Variants in PCDHA5 observed in about 807,000 individuals in gnomAD.
The protein encoded by PCDHA5 is protocadherin alpha 5.
PCDHA5 carries 43 observed loss-of-function variants against 61.6 expected under a neutral mutation model. The ratio of observed to expected loss-of-function variants is 0.70; its 90% CI spans 0.55 to 0.90. The LOEUF is 0.90. PCDHA5 is among the 40% of genes least tolerant of loss of function. PCDHA5 has a pLI of 0.00. For missense variants in PCDHA5, 1,298 were observed against 1,222.7 expected, an observed-to-expected ratio of 1.06 and a Z score of -0.92; for synonymous variants, 627 against 543.9, an observed-to-expected ratio of 1.15 and a Z score of -2.13.
At chr5:140,848,581 G>C in intron 1 of PCDHA5, 1 of 1,595,130 alleles carries the variant, frequency 6.3e-7, no homozygotes, top group Non-Finnish European at 8.6e-7. Flanking sequence ...GTGGGGAGCG[G>C]CCAGCTCCAC....
chr5:140,893,519 C>T (rs1199543838), intron 1 of PCDHA5, among the ~76,000 whole-genome samples: 1 of 152,084 alleles, frequency 6.6e-6, no homozygotes, highest in African/African-American at 2.4e-5. Flanking sequence ...AGTTGTAGAA[C>T]TCCTTTAAGT....
intron 1 of PCDHA5, chr5:140,849,157 A>T: frequency 8.3e-7 from 1 of 1,209,676 alleles, no homozygotes; most frequent in Non-Finnish European, 1.1e-6. Flanking sequence ...GGCAAACCCG[A>T]GCTGACTGGC....
At chr5:140,952,146 C>T (rs1204696324) in intron 1 of PCDHA5, among the ~76,000 whole-genome samples, 1 of 152,062 alleles carries the variant, frequency 6.6e-6, no homozygotes, top group African/African-American at 2.4e-5. Context: ...AGCTCCACTC[C>T]TGTGGCTTTG....
rs2150133242 is a variant in PCDHA5, at chr5:140,824,221, T to C, written c.2352+94T>C. 5 of 1,560,374 alleles carry C rather than the reference T, an allele frequency of 3.2e-6. No homozygotes were observed. The Admixed American group carries it at 8.4e-5, about 26-fold the overall frequency. ...ACTTTTTTTGTATTTAAAAATTATG[T>C]CTTAGTACACAAATATTGTGGTACA... On this transcript the variant is annotated intron_variant, in intron 1 of 3. Transcript: ENST00000529859.
chr5:140,835,484 C>T (rs2150236532), intron 1 of PCDHA5: 3 of 1,613,926 alleles, frequency 1.9e-6, no homozygotes, highest in Non-Finnish European at 8.5e-7. Flanking sequence ...AACCAGGTAC[C>T]GTCATCACAT....
At chr5:140,829,999 C>G in intron 1 of PCDHA5, 1 of 1,613,998 alleles carries the variant, frequency 6.2e-7, no homozygotes, top group Non-Finnish European at 8.5e-7. Context: ...CCACTCGTGT[C>G]CTGGACGAAG....
At chr5:140,830,146 C>G (rs2150181875) in intron 1 of PCDHA5, 1 of 1,613,128 alleles carries the variant, frequency 6.2e-7, no homozygotes, top group Non-Finnish European at 8.5e-7. Flanking sequence ...CGTCGGTGGG[C>G]GCCGCGGGCC....
At chr5:140,876,808 G>T in intron 1 of PCDHA5, 1 of 1,614,222 alleles carries the variant, frequency 6.2e-7, no homozygotes, top group Non-Finnish European at 8.5e-7. Flanking sequence ...CGTGGAGGTG[G>T]CCGACGTGAA....
chr5:140,883,868 C>G lies in PCDHA5; in HGVS notation c.2352+59741C>G, dbSNP rs782022578. ...CGAGGAGCTGGAGCTGTTGCAGTTC[C>G]AGGTGAGCGCGCGCGACTCTGGCGT... On this transcript the variant is annotated intron_variant, in intron 1 of 3. Coordinates refer to ENST00000529859, the MANE Select transcript of PCDHA5 (RefSeq NM_018908.3). 9.9e-6 allele frequency: 16 copies of G among 1,613,048 alleles called. No homozygotes were observed. The Admixed American group carries it at 2.5e-4, about 25-fold the overall frequency.
intron 1 of PCDHA5, chr5:140,926,673 A>T (rs998903830): frequency 2.1e-5 from 12 of 580,470 alleles, no homozygotes; most frequent in Non-Finnish European, 3.2e-5. Flanking sequence ...ACGGCTGCCC[A>T]GCCTCCAGCC....
chr5:140,834,669 T>G (rs2150223867), intron 1 of PCDHA5: 1 of 1,614,208 alleles, frequency 6.2e-7, no homozygotes, highest in East Asian at 2.2e-5. Context: ...CGAGGAGCTG[T>G]GCGGGCGGAG....
rs781820550 is a variant in PCDHA5, at chr5:140,869,927, G to A, written c.2352+45800G>A. 14 of 1,611,538 alleles carry A rather than the reference G, an allele frequency of 8.7e-6. No individual in the cohort carries two copies. The East Asian group carries it at 2.5e-4, about 28-fold the overall frequency. On this transcript the variant is annotated intron_variant, in intron 1 of 3. Coordinates refer to ENST00000529859, the MANE Select transcript of PCDHA5 (RefSeq NM_018908.3). ...ACAGACCGAGACGAAGGAGTCAATG[G>A]AGAGGTAACATACTCCTTAATGTCA...
chr5:140,877,572 C>T (rs2057210526), intron 1 of PCDHA5: 6 of 1,613,784 alleles, frequency 3.7e-6, no homozygotes, highest in Non-Finnish European at 4.2e-6. Flanking sequence ...ACGTGTACCT[C>T]ATCATCGCCA....
At chr5:140,836,514 T>C in intron 1 of PCDHA5, 2 of 1,613,848 alleles carry the variant, frequency 1.2e-6, no homozygotes, top group Non-Finnish European at 1.7e-6. Flanking sequence ...GTCCAGTCTG[T>C]TGGTGCTTAC....
intron 1 of PCDHA5, chr5:140,967,979 G>A (rs1405177525): frequency 1.2e-6 from 2 of 1,614,100 alleles, no homozygotes; most frequent in African/African-American, 1.3e-5. Flanking sequence ...CCTGGGTCTG[G>A]AGGCCACACT....
chr5:140,873,275 T>C (rs1335407966), intron 1 of PCDHA5, among the ~76,000 whole-genome samples: 1 of 152,220 alleles, frequency 6.6e-6, no homozygotes, highest in Non-Finnish European at 1.5e-5. Context: ...TAAACCATCA[T>C]ACCACTTATG....
At position 140,953,768 on chromosome 5, in the gene PCDHA5, A is replaced by G. The variant is rs146090592; in HGVS notation, c.2353-25181A>G. Among the ~76,000 whole-genome samples, 15 of 152,248 alleles carry G rather than the reference A, an allele frequency of 9.9e-5. No homozygotes were observed. In the East Asian group the frequency reaches 2.7e-3, roughly 27 times the overall value. The stretch of plus-strand genomic sequence containing the variant: ...TACATTTATCCAAGAATTAAATTTA[A>G]TATTTATTTATTTTTTTCTTCAACT... On this transcript the variant is annotated intron_variant, in intron 1 of 3. Coordinates refer to ENST00000529859, the MANE Select transcript of PCDHA5 (RefSeq NM_018908.3).
chr5:140,998,746 A>C (rs1473770059), intron 3 of PCDHA5, among the ~76,000 whole-genome samples: 2 of 151,954 alleles, frequency 1.3e-5, no homozygotes, highest in Non-Finnish European at 2.9e-5. Context: ...GTATTTTTAG[A>C]AGAGACACAG....
intron 1 of PCDHA5, chr5:140,836,629 C>CGA: frequency 4.3e-6 from 7 of 1,613,468 alleles, no homozygotes; most frequent in Non-Finnish European, 5.9e-6. Flanking sequence ...GGGAGCTGGT[C>CGA]ATTCTCCCAG....
Sources: allele counts gnomAD v4.1 joint callset (sites outside exome capture counted in the v4.1 genomes callset), GRCh38; gene constraint gnomAD v4.1.1; transcripts MANE v1.5; gene names NCBI Gene and HGNC (gene_info 2026-07-23, HGNC 2026-07-21).